Variants in NREP observed in about 807,000 individuals in gnomAD.
The protein encoded by NREP is neuronal regeneration-related protein.
NREP carries 5 observed loss-of-function variants against 8.6 expected under a neutral mutation model. The ratio of observed to expected loss-of-function variants is 0.58; its 90% confidence interval spans 0.30 to 1.22. NREP has a LOEUF of 1.22. Among genes scored for constraint, NREP ranks in the 50% most tolerant of loss-of-function variants. NREP has a pLI of 0.07. For missense variants in NREP, 86 were observed against 82.5 expected (o/e 1.04, Z -0.17); for synonymous variants, 27 against 28.0 (o/e 0.96, Z 0.11).
intron 2 of NREP, among the ~76,000 whole-genome samples, chr5:111,887,979 C>A (rs543035891): frequency 6.6e-6 from 1 of 152,098 alleles, no homozygotes; most frequent in South Asian, 2.1e-4. Context: ...AAAGTCCTGT[C>A]AAATGAATTA....
At chr5:111,888,260 T>C (rs1452636592) in intron 2 of NREP, among the ~76,000 whole-genome samples, 1 of 152,174 alleles carries the variant, frequency 6.6e-6, no homozygotes, top group East Asian at 1.9e-4. Flanking sequence ...TGTTTTCACA[T>C]TGCTGTGAAG....
At chr5:111,867,026 T>A (rs1387880172) in intron 2 of NREP, among the ~76,000 whole-genome samples, 2 of 151,480 alleles carry the variant, frequency 1.3e-5, no homozygotes, top group Admixed American at 6.6e-5. Flanking sequence ...GGATAGCATT[T>A]GGAGATATAC....
intron 2 of NREP, among the ~76,000 whole-genome samples, chr5:111,877,451 C>A (rs1054168429): frequency 6.6e-6 from 1 of 152,170 alleles, no homozygotes; most frequent in Non-Finnish European, 1.5e-5. Flanking sequence ...CTCTAAGGAT[C>A]TTCAAAAAAT....
At chr5:111,822,799 T>C (rs760602418) in intron 2 of NREP, among the ~76,000 whole-genome samples, 4 of 152,222 alleles carry the variant, frequency 2.6e-5, no homozygotes, top group African/African-American at 7.2e-5. Flanking sequence ...CCATATATTG[T>C]AGTTATGTGA....
intron 2 of NREP, among the ~76,000 whole-genome samples, chr5:111,787,193 C>T (rs1751632385): frequency 6.6e-6 from 1 of 152,132 alleles, no homozygotes; most frequent in South Asian, 2.1e-4. Flanking sequence ...TCAAGGTCCC[C>T]ACAACCACTT....
chr5:111,735,739 G>C (rs1295491244), intron 2 of NREP, among the ~76,000 whole-genome samples: 1 of 152,192 alleles, frequency 6.6e-6, no homozygotes, highest in Non-Finnish European at 1.5e-5. Context: ...CAATAAAGCA[G>C]AGATATCAAT....
chr5:111,941,204 G>C (rs1413180261), intron 2 of NREP, among the ~76,000 whole-genome samples: 1 of 152,038 alleles, frequency 6.6e-6, no homozygotes, highest in Non-Finnish European at 1.5e-5. Flanking sequence ...GATCATATGG[G>C]AAGTTATTAA....
intron 2 of NREP, among the ~76,000 whole-genome samples, chr5:111,803,086 T>C (rs1288183726): frequency 6.6e-6 from 1 of 152,180 alleles, no homozygotes; most frequent in Non-Finnish European, 1.5e-5. Context: ...TAAGGTGATT[T>C]TAATATAATG....
intron 2 of NREP, among the ~76,000 whole-genome samples, chr5:111,801,745 AC>A (rs2112904675): frequency 6.6e-6 from 1 of 152,340 alleles, no homozygotes; most frequent in Non-Finnish European, 1.5e-5. Context: ...ATTGTACAAT[AC>A]AAAGATGAAC....
chr5:111,824,629 G>T (rs940448728), intron 2 of NREP, among the ~76,000 whole-genome samples: 13 of 152,174 alleles, frequency 8.5e-5, no homozygotes, highest in African/African-American at 2.9e-4. Context: ...AATTGGTAAG[G>T]CAATAATCCC....
intron 2 of NREP, among the ~76,000 whole-genome samples, chr5:111,830,162 G>T (rs76908363): frequency 0.11 from 16,633 of 151,356 alleles, 1,457 homozygotes; most frequent in African/African-American, 0.24. Flanking sequence ...TGTTTTTTTT[G>T]TTGTTGTTGT....
chr5:111,743,104 A>G (rs1190818845), intron 2 of NREP, among the ~76,000 whole-genome samples: 2 of 152,208 alleles, frequency 1.3e-5, no homozygotes, highest in African/African-American at 2.4e-5. Flanking sequence ...ACAAGAATAA[A>G]GCTTGGATAC....
chr5:111,749,601 A>G (rs1750225752), intron 2 of NREP, among the ~76,000 whole-genome samples: 2 of 152,216 alleles, frequency 1.3e-5, no homozygotes, highest in Non-Finnish European at 1.5e-5. Context: ...ATTTTCAATA[A>G]GTATGGTTAA....
intron 2 of NREP, among the ~76,000 whole-genome samples, chr5:111,880,730 C>CT (rs140190021): frequency 0.026 from 2,386 of 92,124 alleles, 66 homozygotes; most frequent in African/African-American, 0.064. Context: ...GAACATAAGC[C>CT]TTTTTTTTTT....
chr5:111,911,097 C>T (rs7716521), intron 2 of NREP, among the ~76,000 whole-genome samples: 70,363 of 151,708 alleles, frequency 0.46, 17,149 homozygotes, highest in Non-Finnish European at 0.55. Flanking sequence ...AATAACACTC[C>T]TGCACCCAGT....
chr5:111,928,335 G>GT (rs143716680), intron 2 of NREP, among the ~76,000 whole-genome samples: 1 of 151,852 alleles, frequency 6.6e-6, no homozygotes, highest in Admixed American at 6.6e-5. Context: ...TTCTGATTTA[G>GT]TTTTTTTAAT....
intron 2 of NREP, among the ~76,000 whole-genome samples, chr5:111,887,304 A>G (rs1303148242): frequency 6.6e-6 from 1 of 152,188 alleles, no homozygotes; most frequent in East Asian, 1.9e-4. Flanking sequence ...GATGACATGT[A>G]TTACCATTAT....
chr5:111,921,151 CCT>C (rs1023332414), intron 2 of NREP, among the ~76,000 whole-genome samples: 6 of 151,728 alleles, frequency 4.0e-5, no homozygotes, highest in African/African-American at 1.4e-4. Context: ...TCTCCTCTCT[CCT>C]CTCTCTCTCT....
intron 2 of NREP, among the ~76,000 whole-genome samples, chr5:111,940,505 T>C (rs1222939795): frequency 1.3e-5 from 2 of 151,974 alleles, no homozygotes; most frequent in African/African-American, 4.8e-5. Context: ...TAGACACATA[T>C]CTCCCATCCC....
Sources: gnomAD v4.1 joint callset for allele counts (sites outside exome capture counted in the v4.1 genomes callset) on GRCh38, gnomAD v4.1.1 for gene constraint, MANE v1.5 for transcripts, NCBI Gene and HGNC (gene_info 2026-07-23, HGNC 2026-07-21) for gene names.